The following PARD3B variants were observed in gnomAD, a reference collection of about 807,000 sequenced individuals.
The protein encoded by PARD3B is partitioning defective 3 homolog B.
A neutral mutation model predicts 130.2 loss-of-function variants in PARD3B; 103 were observed. The observed-to-expected ratio is 0.79, with a 90% CI of 0.67 to 0.93. PARD3B has a LOEUF of 0.93. PARD3B is among the 40% of genes least tolerant of loss of function. The probability of loss-of-function intolerance (pLI) is 0.00; values close to 1 mark genes in which losing one functional copy is unlikely to be tolerated. For synonymous variants in PARD3B, 583 were observed against 553.2 expected (o/e 1.05, Z -0.76); for missense variants, 1,609 against 1,499.2 (o/e 1.07, Z -1.21).
At chr2:205,289,511 C>A (rs1354095515) in intron 16 of PARD3B, among the ~76,000 whole-genome samples, 1 of 152,170 alleles carries the variant, frequency 6.6e-6, no homozygotes, top group Admixed American at 6.5e-5. Context: ...GAAACTGAGG[C>A]ACTGAGAGGT....
chr2:204,741,602 T>G (rs2125364310), intron 2 of PARD3B, among the ~76,000 whole-genome samples: 1 of 152,338 alleles, frequency 6.6e-6, no homozygotes, highest in East Asian at 1.9e-4. Context: ...TGTTTATTCT[T>G]ACTAGTTTGA....
chr2:205,402,394 C>T (rs146459660), intron 19 of PARD3B, among the ~76,000 whole-genome samples: 6 of 152,280 alleles, frequency 3.9e-5, no homozygotes, highest in African/African-American at 1.2e-4. Context: ...TGTGGGGAGC[C>T]TACATCATAG....
intron 2 of PARD3B, among the ~76,000 whole-genome samples, chr2:204,954,992 AG>A (rs1690115288): frequency 6.6e-6 from 1 of 152,204 alleles, no homozygotes; most frequent in African/African-American, 2.4e-5. Flanking sequence ...TTTACAAAAT[AG>A]GCTGCTCTAT....
At chr2:204,840,988 G>A (rs1255828457) in intron 2 of PARD3B, among the ~76,000 whole-genome samples, 3 of 152,068 alleles carry the variant, frequency 2.0e-5, no homozygotes, top group Non-Finnish European at 4.4e-5. Flanking sequence ...ATCCCCTGTG[G>A]GTAAGGGAAG....
intron 3 of PARD3B, among the ~76,000 whole-genome samples, chr2:204,978,494 C>T (rs1559320367): frequency 6.6e-6 from 1 of 152,184 alleles, no homozygotes; most frequent in Non-Finnish European, 1.5e-5. Context: ...CAGTAGTCAT[C>T]TTTTTGTGAT....
intron 20 of PARD3B, among the ~76,000 whole-genome samples, chr2:205,472,464 T>A (rs1207477620): frequency 1.3e-5 from 2 of 152,204 alleles, no homozygotes; most frequent in Non-Finnish European, 2.9e-5. Context: ...TACTGAGTTT[T>A]ATGATAATAA....
intron 18 of PARD3B, among the ~76,000 whole-genome samples, chr2:205,368,586 C>T (rs943819710): frequency 4.6e-5 from 7 of 152,060 alleles, no homozygotes; most frequent in Admixed American, 1.3e-4. Context: ...GAGCTGAGAT[C>T]GGGCCACTGC....
intron 20 of PARD3B, among the ~76,000 whole-genome samples, chr2:205,491,914 G>C (rs1263882199): frequency 2.0e-5 from 3 of 152,158 alleles, no homozygotes; most frequent in Non-Finnish European, 4.4e-5. Flanking sequence ...AGGATGGCTG[G>C]GGGGAGGACC....
intron 10 of PARD3B, among the ~76,000 whole-genome samples, chr2:205,135,422 G>C (rs1490210603): frequency 6.6e-6 from 1 of 152,158 alleles, no homozygotes; most frequent in Non-Finnish European, 1.5e-5. Context: ...TTTTCCAGCT[G>C]TTATCAAAGT....
intron 3 of PARD3B, among the ~76,000 whole-genome samples, chr2:205,025,675 C>T (rs7593793): frequency 0.1 from 15,584 of 151,976 alleles, 842 homozygotes; most frequent in Non-Finnish European, 0.11. Flanking sequence ...GGAGCTGTAT[C>T]GGTGGTCTGG....
At chr2:205,041,741 A>G (rs1046990724) in intron 3 of PARD3B, among the ~76,000 whole-genome samples, 1 of 151,914 alleles carries the variant, frequency 6.6e-6, no homozygotes, top group African/African-American at 2.4e-5. Context: ...AAATAAATAA[A>G]TCCCTGCTGC....
At chr2:204,701,331 C>G (rs533531065) in intron 2 of PARD3B, among the ~76,000 whole-genome samples, 1 of 152,194 alleles carries the variant, frequency 6.6e-6, no homozygotes, top group Admixed American at 6.5e-5. Flanking sequence ...ACTTTTAACC[C>G]TATAAATACA....
intron 2 of PARD3B, among the ~76,000 whole-genome samples, chr2:204,812,760 A>C (rs1206994700): frequency 6.6e-6 from 1 of 152,162 alleles, no homozygotes; most frequent in Non-Finnish European, 1.5e-5. Flanking sequence ...TCCTACTAGG[A>C]AGCTGCTGAT....
intron 2 of PARD3B, among the ~76,000 whole-genome samples, chr2:204,834,828 C>T (rs868260772): frequency 1.8e-4 from 28 of 152,258 alleles, no homozygotes; most frequent in Middle Eastern, 3.4e-3. Flanking sequence ...CAGCGATGGG[C>T]TGAAAAAGGC....
intron 1 of PARD3B, among the ~76,000 whole-genome samples, chr2:204,638,129 G>A (rs2034951524): frequency 6.6e-6 from 1 of 152,100 alleles, no homozygotes; most frequent in South Asian, 2.1e-4. Context: ...ATACAAAAAT[G>A]GAAAAAGCAA....
At chr2:204,860,456 A>AG (rs963576853) in intron 2 of PARD3B, among the ~76,000 whole-genome samples, 1 of 152,250 alleles carries the variant, frequency 6.6e-6, no homozygotes, top group African/African-American at 2.4e-5. Flanking sequence ...AACTGCTGGC[A>AG]GATGGCATGG....
intron 1 of PARD3B, among the ~76,000 whole-genome samples, chr2:204,591,042 TAAG>T (rs2033053056): frequency 6.6e-6 from 1 of 152,214 alleles, no homozygotes; most frequent in Admixed American, 6.5e-5. Flanking sequence ...ATTTTAATAA[TAAG>T]CACAGGTTGA....
chr2:204,782,534 A>T (rs1357431012), intron 2 of PARD3B, among the ~76,000 whole-genome samples: 1 of 150,248 alleles, frequency 6.7e-6, no homozygotes, highest in Non-Finnish European at 1.5e-5. Flanking sequence ...TCGGTATGTT[A>T]TTACATATAT....
At chr2:204,835,561 C>T (rs1559184009) in intron 2 of PARD3B, among the ~76,000 whole-genome samples, 2 of 152,106 alleles carry the variant, frequency 1.3e-5, no homozygotes, top group Non-Finnish European at 2.9e-5. Context: ...ATTGGGAAAG[C>T]AGTTTGATGG....
Sources: gnomAD v4.1 joint callset for allele counts (sites outside exome capture counted in the v4.1 genomes callset) on GRCh38, gnomAD v4.1.1 for gene constraint, MANE v1.5 for transcripts, NCBI Gene and HGNC (gene_info 2026-07-23, HGNC 2026-07-21) for gene names.